The following MIA2 variants were observed in gnomAD, a reference collection of about 807,000 sequenced individuals.
MIA2 encodes the protein MIA SH3 domain ER export factor 2.
MIA2 carries 127 observed loss-of-function variants against 167.8 expected under a neutral mutation model. The ratio of observed to expected loss-of-function variants is 0.76; its 90% CI spans 0.66 to 0.88. The LOEUF is 0.88. Among genes scored for constraint, MIA2 ranks in the 40% least tolerant of loss-of-function variants. The pLI, the probability that MIA2 is intolerant of heterozygous loss-of-function variation, is 0.00. For synonymous variants in MIA2, 552 were observed against 541.9 expected, an observed-to-expected ratio of 1.02 and a Z score of -0.26; for missense variants, 1,690 against 1,624.7, an observed-to-expected ratio of 1.04 and a Z score of -0.69.
chr14:39,285,340 C>T (rs1005242212), intron 9 of MIA2, among the ~76,000 whole-genome samples: 1 of 151,266 alleles, frequency 6.6e-6, no homozygotes, highest in African/African-American at 2.4e-5. Flanking sequence ...GGCAGAGGCG[C>T]CCCCCCACCT....
Position 39,243,504 on chromosome 14 carries a change from A to C in MIA2, c.336+2857A>C, listed in dbSNP as rs113654364. On this transcript the variant is annotated intron_variant, in intron 3 of 28. Transcript: ENST00000640607. ...AGATGAAAAGTCAACTTGCAAAAGGAAGATTAATAAGTGAAAAGGCATACA... is the reference window on the plus strand; with the variant it reads ...AGATGAAAAGTCAACTTGCAAAAGGCAGATTAATAAGTGAAAAGGCATACA... Among the ~76,000 whole-genome samples the C allele has an allele frequency of 3.8e-3, 578 of 152,328 alleles. 2 individuals carry two copies. Among genetic ancestry groups the C allele is most frequent in the African/African-American group, 0.013 (540 of 41,572 alleles).
rs145770486 is a variant in MIA2 at position 39,317,259 on chromosome 14, A to T, written c.3217-685A>T. The stretch of plus-strand genomic sequence containing the variant: ...TAGCTGAATTGGGATTGGTAGAGGG[A>T]ATGAAAGTGACACTGAGCAGTAGCT... On this transcript the variant is annotated intron_variant, in intron 21 of 28. Coordinates refer to ENST00000640607, the MANE Select transcript of MIA2 (RefSeq NM_001329214.4). Among the ~76,000 whole-genome samples the T allele has an allele frequency of 1.0e-3, 155 of 152,188 alleles. 1 individual carries two copies. The highest frequency in any genetic ancestry group is 3.3e-3 in the African/African-American group (138 of 41,532).
At chr14:39,366,758 G>C (rs557465897) in intron 23 of MIA2, among the ~76,000 whole-genome samples, 1 of 152,302 alleles carries the variant, frequency 6.6e-6, no homozygotes, top group South Asian at 2.1e-4. Context: ...CTGCATTGTG[G>C]TGAGTGGAGA....
At chr14:39,349,314 A>G (rs1595908514) in intron 28 of MIA2, among the ~76,000 whole-genome samples, 1 of 152,240 alleles carries the variant, frequency 6.6e-6, no homozygotes. Flanking sequence ...AGTGAAAATA[A>G]TAACTTATAT....
chr14:39,268,887 T>C, intron 6 of MIA2: 1 of 488,096 alleles, frequency 2.0e-6, no homozygotes, highest in Non-Finnish European at 2.7e-6. Context: ...CTGTGGTAAC[T>C]TATTCATGGA....
exon 24 of MIA2, chr14:39,387,590 AAC>A (rs2075289425): frequency 6.6e-6 from 1 of 152,290 alleles, no homozygotes; most frequent in African/African-American, 2.4e-5. Flanking sequence ...TTGTTGAAAT[AAC>A]ACAATACTTC....
Position 39,247,094 on chromosome 14 carries a change from T to C in MIA2, c.520T>C (p.Phe174Leu). 1 of 1,608,704 alleles carries C rather than the reference T, an allele frequency of 6.2e-7. No homozygotes were observed. The highest frequency in any genetic ancestry group is 2.2e-5 in the East Asian group (1 of 44,860). ...TTATGCAACTTATGAAAGTACTTTG[T>C]TTGAAGACCAAGTTCCAGCATTAGA... ...GFYATYESTL[F>L]EDQVPALEAP... The change falls in exon 4 of 29, where the codon TTT becomes CTT. Residue 174 changes from phenylalanine to leucine, a missense_variant. Phe to Leu is a conservative substitution (Grantham distance 22). Coordinates refer to ENST00000640607, the MANE Select transcript of MIA2 (RefSeq NM_001329214.4).
intron 24 of MIA2, among the ~76,000 whole-genome samples, chr14:39,325,394 G>A (rs1178109416): frequency 7.1e-6 from 1 of 141,032 alleles, no homozygotes; most frequent in South Asian, 2.2e-4. Context: ...TTGAGATGGA[G>A]TCTCGCTCTA....
chr14:39,311,605 G>A (rs2064288804), intron 18 of MIA2, among the ~76,000 whole-genome samples: 1 of 150,834 alleles, frequency 6.6e-6, no homozygotes, highest in African/African-American at 2.4e-5. Flanking sequence ...AGCCTCCCGA[G>A]TAGCTGGGAC....
Position 39,247,892 on chromosome 14 carries a change from G to T in MIA2, c.1318G>T (p.Asp440Tyr). Reference protein sequence around the residue: ...IKIIETEDQIDKKPVSEKTDE... With the variant: ...IKIIETEDQIYKKPVSEKTDE... ...AATTATAGAAACAGAAGATCAAATA[G>T]ACAAGAAACCAGTCTCAGAAAAAAC... The change falls in exon 4 of 29, where the codon GAC becomes TAC. Residue 440 changes from aspartate to tyrosine, a missense_variant. Coordinates refer to ENST00000640607, the MANE Select transcript of MIA2 (RefSeq NM_001329214.4). The T allele has an allele frequency of 6.3e-7, 1 of 1,588,742 alleles. No individual in the cohort carries two copies. The highest frequency in any genetic ancestry group is 8.5e-7 in the Non-Finnish European group (1 of 1,173,844).
At chr14:39,377,922 T>A (rs1461528784) in intron 23 of MIA2, among the ~76,000 whole-genome samples, 2 of 152,186 alleles carry the variant, frequency 1.3e-5, no homozygotes, top group African/African-American at 4.8e-5. Flanking sequence ...CAAGAAAACT[T>A]GGGGTTCCTG....
chr14:39,303,501 A>G lies in MIA2; in HGVS notation c.2764A>G (p.Lys922Glu). Residue 922 changes from lysine to glutamate, a missense_variant, in exon 16 of 29, where the codon AAG becomes GAG. Transcript: ENST00000640607. ...AGATAATCCTCCAAAAGGAGCTTTGAAGAAACTGATTCATGCTGCTAAGGT... is the reference window on the plus strand; with the variant it reads ...AGATAATCCTCCAAAAGGAGCTTTGGAGAAACTGATTCATGCTGCTAAGGT... ...YLDNPPKGAL[K>E]KLIHAAKLNA... 6.2e-7 allele frequency: 1 copy of G among 1,611,504 alleles called. No homozygotes were observed.
chr14:39,376,146 GT>G (rs2075042150), intron 23 of MIA2, among the ~76,000 whole-genome samples: 1 of 152,134 alleles, frequency 6.6e-6, no homozygotes, highest in South Asian at 2.1e-4. Context: ...TAGAGATGGG[GT>G]TTTGCCATGT....
At chr14:39,364,363 T>G (rs1376628457) in intron 23 of MIA2, among the ~76,000 whole-genome samples, 1 of 148,534 alleles carries the variant, frequency 6.7e-6, no homozygotes, top group Non-Finnish European at 1.5e-5. Flanking sequence ...AGCAAGACTC[T>G]CAAAAAAAAA....
intron 11 of MIA2, 92 bp from the exon 12 acceptor site, chr14:39,293,908 C>A: frequency 1.0e-6 from 1 of 953,170 alleles, no homozygotes; most frequent in Non-Finnish European, 1.6e-6. Context: ...ACTTATGGAG[C>A]TAAAGTGTTA....
At chr14:39,363,328 G>A (rs1433559104) in intron 23 of MIA2, among the ~76,000 whole-genome samples, 1 of 152,122 alleles carries the variant, frequency 6.6e-6, no homozygotes, top group African/African-American at 2.4e-5. Context: ...CCAGGATTTC[G>A]AGACCAGCCT....
intron 23 of MIA2, among the ~76,000 whole-genome samples, chr14:39,377,314 A>G (rs958982346): frequency 6.6e-6 from 1 of 152,114 alleles, no homozygotes; most frequent in Non-Finnish European, 1.5e-5. Context: ...GTAGGCAGGT[A>G]TGAAAATGGT....
intron 21 of MIA2, among the ~76,000 whole-genome samples, chr14:39,316,955 T>C (rs10143290): frequency 0.86 from 131,403 of 152,036 alleles, 57,370 homozygotes; most frequent in East Asian, 0.96. Flanking sequence ...TATGCTGAGG[T>C]CCAGAGGTAA....
intron 23 of MIA2, among the ~76,000 whole-genome samples, chr14:39,359,388 A>G (rs972561691): frequency 1.3e-5 from 2 of 152,178 alleles, no homozygotes; most frequent in African/African-American, 2.4e-5. Flanking sequence ...GCCGTTTGAT[A>G]AGACCGTTGG....
Sources: gnomAD v4.1 joint callset for allele counts (sites outside exome capture counted in the v4.1 genomes callset) on GRCh38, gnomAD v4.1.1 for gene constraint, MANE v1.5 for transcripts, NCBI Gene and HGNC (gene_info 2026-07-23, HGNC 2026-07-21) for gene names.